Variants in AOAH observed in about 807,000 individuals in gnomAD.
The protein encoded by AOAH is acyloxyacyl hydrolase (neutrophil).
Under a neutral mutation model 92.2 loss-of-function variants are expected in AOAH, and 64 were observed. That is an observed-to-expected ratio of 0.69 (90% CI 0.57 to 0.86). The LOEUF (loss-of-function observed/expected upper bound fraction) is 0.86, where lower values mean the gene tolerates loss of function less well. Among genes scored for constraint, AOAH ranks in the 40% least tolerant of loss-of-function variants. AOAH has a pLI of 0.00. For synonymous variants in AOAH, 263 were observed against 254.5 expected, an observed-to-expected ratio of 1.03 and a Z score of -0.32; for missense variants, 656 against 694.6, an observed-to-expected ratio of 0.94 and a Z score of 0.62.
Position 36,621,757 on chromosome 7 carries a change from C to T in AOAH, c.606G>A (p.Arg202=). Residue 202 remains arginine (R), a synonymous_variant, in exon 8 of 21, where the codon CGG becomes CGA. Transcript: ENST00000617537. ...VFPTLRGYHW[R]GRDCNDSDES... is the part of the protein sequence containing the mutation. ...CGTCGCTGTCATTACAGTCTCTCCC[C>T]CGCCAGTGATAGCCCCGCAGTGTCT... 6.2e-7 allele frequency: 1 copy of T among 1,614,142 alleles called. No homozygotes were observed. Among genetic ancestry groups the T allele is most frequent in the East Asian group, 2.2e-5 (1 of 44,876 alleles).
chr7:36,709,935 C>T (rs1798655160), intron 1 of AOAH, among the ~76,000 whole-genome samples: 1 of 152,154 alleles, frequency 6.6e-6, no homozygotes, highest in Admixed American at 6.5e-5. Flanking sequence ...CTATTGATTT[C>T]TATTATGTAT....
At chr7:36,574,125 G>C (rs1788326967) in intron 13 of AOAH, among the ~76,000 whole-genome samples, 1 of 152,104 alleles carries the variant, frequency 6.6e-6, no homozygotes, top group South Asian at 2.1e-4. Context: ...TAAATAATGA[G>C]TAACTGAGAA....
intron 7 of AOAH, among the ~76,000 whole-genome samples, chr7:36,622,498 A>G (rs1792352696): frequency 6.6e-6 from 1 of 152,232 alleles, no homozygotes; most frequent in Non-Finnish European, 1.5e-5. Flanking sequence ...GGACTTTGTG[A>G]CATGTTACTT....
chr7:36,554,622 A>G (rs1786548152), intron 13 of AOAH, among the ~76,000 whole-genome samples: 1 of 152,110 alleles, frequency 6.6e-6, no homozygotes, highest in Admixed American at 6.5e-5. Context: ...ATGAGCATGG[A>G]ATGTTCTTCC....
intron 4 of AOAH, among the ~76,000 whole-genome samples, chr7:36,654,124 TGC>T (rs72265761): frequency 3.5e-5 from 4 of 114,398 alleles, no homozygotes; most frequent in Non-Finnish European, 8.1e-5. Context: ...TGTGCGTGTG[TGC>T]GTACACACAC....
At chr7:36,599,315 T>A (rs1160580491) in intron 11 of AOAH, among the ~76,000 whole-genome samples, 1 of 152,206 alleles carries the variant, frequency 6.6e-6, no homozygotes, top group East Asian at 1.9e-4. Context: ...CTTTGTTGTG[T>A]GGGAGAAAGA....
At chr7:36,517,220 C>CTT (rs746380579) in intron 20 of AOAH, among the ~76,000 whole-genome samples, 2 of 54,170 alleles carry the variant, frequency 3.7e-5, no homozygotes, top group South Asian at 7.1e-4. Flanking sequence ...CTTTCTCTTT[C>CTT]TTTCTGTCTC....
rs75556227 is a variant in AOAH at position 36,583,258 on chromosome 7, A to T, written c.939-6602T>A. On this transcript the variant is annotated intron_variant, in intron 12 of 20. Coordinates refer to ENST00000617537, the MANE Select transcript of AOAH (RefSeq NM_001637.4). ...GATGTGAAGAGTTAGGGAGGGGAGT[A>T]AATTAGGATAAACTTGGGTAACTTA... is the stretch of plus-strand genomic sequence containing the variant. Among the ~76,000 whole-genome samples the T allele has an allele frequency of 5.5e-3, 831 of 152,292 alleles. 14 individuals carry two copies. The highest frequency in any genetic ancestry group is 0.019 in the African/African-American group (801 of 41,556).
intron 13 of AOAH, among the ~76,000 whole-genome samples, chr7:36,551,930 A>G (rs1341373635): frequency 6.6e-6 from 1 of 152,050 alleles, no homozygotes; most frequent in Admixed American, 6.6e-5. Context: ...TTTACTTTTG[A>G]TTCAGGGGAT....
chr7:36,634,056 G>A (rs540309158), intron 5 of AOAH, among the ~76,000 whole-genome samples: 6 of 152,272 alleles, frequency 3.9e-5, no homozygotes, highest in African/African-American at 7.2e-5. Flanking sequence ...GAAACAGGGC[G>A]GAGGAGGGTG....
chr7:36,636,499 A>G (rs1006870894), intron 5 of AOAH, among the ~76,000 whole-genome samples: 3 of 152,214 alleles, frequency 2.0e-5, no homozygotes, highest in African/African-American at 7.2e-5. Context: ...ATTTCTGCTC[A>G]GAGTTCTGAA....
chr7:36,609,577 G>T (rs572313129), intron 11 of AOAH, among the ~76,000 whole-genome samples: 1 of 152,212 alleles, frequency 6.6e-6, no homozygotes, highest in African/African-American at 2.4e-5. Flanking sequence ...TCTTTCCTCT[G>T]CTAGGGCACG....
chr7:36,652,125 G>A (rs1026226206), intron 4 of AOAH, among the ~76,000 whole-genome samples: 1 of 152,004 alleles, frequency 6.6e-6, no homozygotes, highest in South Asian at 2.1e-4. Context: ...CAAGGACAGG[G>A]GCAGAAGAAT....
intron 19 of AOAH, among the ~76,000 whole-genome samples, chr7:36,529,903 T>C (rs1784593952): frequency 6.6e-6 from 1 of 152,246 alleles, no homozygotes; most frequent in Non-Finnish European, 1.5e-5. Context: ...TCCAGAAAGT[T>C]GGGACATGGG....
intron 3 of AOAH, among the ~76,000 whole-genome samples, 158 bp from the exon 4 acceptor site, chr7:36,659,423 G>T (rs1306962147): frequency 6.6e-6 from 1 of 152,194 alleles, no homozygotes; most frequent in Non-Finnish European, 1.5e-5. Flanking sequence ...CTGCTGGATG[G>T]TAATGATTTC....
intron 1 of AOAH, among the ~76,000 whole-genome samples, chr7:36,688,870 C>T (rs1250983004): frequency 6.6e-6 from 1 of 151,664 alleles, no homozygotes. Context: ...TGTATCTATA[C>T]ACATGTATAT....
chr7:36,531,638 G>A (rs1027838633), intron 18 of AOAH, among the ~76,000 whole-genome samples: 8 of 152,118 alleles, frequency 5.3e-5, no homozygotes, highest in Non-Finnish European at 1.0e-4. Context: ...GTGAGCCACC[G>A]CGCCCAGCCT....
Position 36,673,950 on chromosome 7 carries a change from T to C in AOAH, c.283A>G (p.Ile95Val), listed in dbSNP as rs1205439413. 5.6e-6 allele frequency: 9 copies of C among 1,609,008 alleles called. No homozygotes were observed. Among genetic ancestry groups the C allele is most frequent in the Non-Finnish European group, 7.7e-6 (9 of 1,175,914 alleles). ...GTGTCATGGCATACTCACAGTTTTATGATGTCTGATCCAAACTTGTCAATG... is the reference window on the plus strand; with the variant it reads ...GTGTCATGGCATACTCACAGTTTTACGATGTCTGATCCAAACTTGTCAATG... The part of the protein sequence containing the change: ...LVIDKFGSDI[I>V]KLLSADMNAD... Residue 95 changes from isoleucine to valine, a missense_variant, in exon 3 of 21, where the codon ATA becomes GTA. Coordinates refer to ENST00000617537, the MANE Select transcript of AOAH (RefSeq NM_001637.4).
At chr7:36,647,365 T>C (rs1291519246) in intron 4 of AOAH, among the ~76,000 whole-genome samples, 1 of 152,188 alleles carries the variant, frequency 6.6e-6, no homozygotes, top group Non-Finnish European at 1.5e-5. Context: ...AGAGCAGTGA[T>C]TAAAGCCTTA....
Sources: allele counts gnomAD v4.1 joint callset (sites outside exome capture counted in the v4.1 genomes callset), GRCh38; gene constraint gnomAD v4.1.1; transcripts MANE v1.5; gene names NCBI Gene and HGNC (gene_info 2026-07-23, HGNC 2026-07-21).